The following STOX1 variants were observed in gnomAD, a reference collection of about 807,000 sequenced individuals.
STOX1 encodes the protein storkhead box 1.
A neutral mutation model predicts 74.8 loss-of-function variants in STOX1; 57 were observed. The ratio of observed to expected loss-of-function variants is 0.76; its 90% CI spans 0.62 to 0.95. STOX1 has a LOEUF of 0.95. Among genes scored for constraint, STOX1 ranks in the 40% least tolerant of loss-of-function variants. The pLI is 0.00. For missense variants in STOX1, 1,010 were observed against 1,117.0 expected (o/e 0.90, Z 1.37); for synonymous variants, 375 against 401.3 (o/e 0.93, Z 0.78).
At chr10:68,859,602 A>G (rs1489574828) in intron 1 of STOX1, among the ~76,000 whole-genome samples, 1 of 152,152 alleles carries the variant, frequency 6.6e-6, no homozygotes, top group African/African-American at 2.4e-5. Context: ...TCAAGCCCTT[A>G]GCAAGACAAA....
rs183897120 is a variant in STOX1, at chr10:68,891,672, C to T, written c.2823-917C>T. Among the ~76,000 whole-genome samples the T allele has an allele frequency of 9.2e-3, 1,394 of 151,732 alleles. 107 individuals are homozygous for T. The East Asian group carries it at 0.19, about 21-fold the overall frequency. On this transcript the variant is annotated intron_variant, in intron 3 of 3. Coordinates refer to ENST00000298596, the MANE Select transcript of STOX1 (RefSeq NM_152709.5). ...CAAAAATTAGCCAGGCGTGGTGGCA[C>T]GCGCCTGTAATCCCAGCTACTCAGG...
intron 1 of STOX1, among the ~76,000 whole-genome samples, chr10:68,834,292 G>A (rs1839487490): frequency 6.6e-6 from 1 of 152,150 alleles, no homozygotes; most frequent in East Asian, 1.9e-4. Flanking sequence ...ATCTATCCTG[G>A]GATCTGGTTT....
At chr10:68,835,332 G>A (rs894401736) in intron 1 of STOX1, among the ~76,000 whole-genome samples, 7 of 151,964 alleles carry the variant, frequency 4.6e-5, no homozygotes, top group Non-Finnish European at 5.9e-5. Flanking sequence ...ATGAGCCACC[G>A]CACCCGGCTG....
chr10:68,842,361 C>A (rs1839712726), intron 1 of STOX1, among the ~76,000 whole-genome samples: 1 of 152,120 alleles, frequency 6.6e-6, no homozygotes, highest in African/African-American at 2.4e-5. Context: ...ATTTCTAGAA[C>A]AGCTGGCTTT....
downstream of STOX1, among the ~76,000 whole-genome samples, chr10:68,893,219 G>T (rs1396516433): frequency 6.6e-6 from 1 of 152,170 alleles, no homozygotes; most frequent in Non-Finnish European, 1.5e-5. Flanking sequence ...GCAACCCTAG[G>T]TCTTTATCAT....
rs534284103 is a variant in STOX1 at position 68,881,639 on chromosome 10, AT to A, written c.311-318del. Among the ~76,000 whole-genome samples, 988 of 152,338 alleles carry A rather than the reference AT, an allele frequency of 6.5e-3. 11 individuals carry two copies. The highest frequency in any genetic ancestry group is 0.023 in the African/African-American group (947 of 41,574). Reference sequence around the variant, plus strand: ...TTGAAAGATGGTAAACTGCTGGTATATAGTATATTTAGTATTTAAGTATTGC... The same window carrying A: ...TTGAAAGATGGTAAACTGCTGGTATAAGTATATTTAGTATTTAAGTATTGC... On this transcript the variant is annotated intron_variant, in intron 1 of 3. Coordinates refer to ENST00000298596, the MANE Select transcript of STOX1 (RefSeq NM_152709.5).
chr10:68,828,418 G>A, intron 1 of STOX1: 1 of 520,524 alleles, frequency 1.9e-6, no homozygotes, highest in Non-Finnish European at 2.7e-6. Context: ...CGGCCGGTCC[G>A]GGGGGCCAAG....
At chr10:68,892,307 T>TA (rs138142509) in intron 3 of STOX1, among the ~76,000 whole-genome samples, 10,703 of 152,010 alleles carry the variant, frequency 0.07, 499 homozygotes, top group African/African-American at 0.12. Flanking sequence ...TCGGGGAACT[T>TA]ACTGTTTCTG....
In STOX1 at chr10:68,828,612, G is replaced by C. The variant is rs551840498; in HGVS notation, c.310+679G>C. Among the ~76,000 whole-genome samples, 20 of 152,288 alleles carry C rather than the reference G, an allele frequency of 1.3e-4. No individual in the cohort carries two copies. In the South Asian group the frequency reaches 3.3e-3, roughly 25 times the overall value. On this transcript the variant is annotated intron_variant, in intron 1 of 3. Coordinates refer to ENST00000298596, the MANE Select transcript of STOX1 (RefSeq NM_152709.5). The stretch of plus-strand genomic sequence containing the variant: ...TGGATAGAGAGGCTTTGGGCTAGGG[G>C]CCACTGTCTAGGCTCCACCGGGGCG...
chr10:68,847,643 C>G (rs1839886836), intron 1 of STOX1, among the ~76,000 whole-genome samples: 1 of 151,958 alleles, frequency 6.6e-6, no homozygotes, highest in South Asian at 2.1e-4. Flanking sequence ...TTCCTGACCT[C>G]AAGTGATCCA....
chr10:68,842,191 A>G (rs1564570928), intron 1 of STOX1, among the ~76,000 whole-genome samples: 1 of 152,138 alleles, frequency 6.6e-6, no homozygotes, highest in Non-Finnish European at 1.5e-5. Flanking sequence ...TATTCCCCAG[A>G]CCTTCAACCC....
chr10:68,831,845 G>C (rs192179614), intron 1 of STOX1, among the ~76,000 whole-genome samples: 1 of 152,254 alleles, frequency 6.6e-6, no homozygotes, highest in Admixed American at 6.5e-5. Flanking sequence ...TAAAAAGAGA[G>C]ACATTGGATC....
rs1477608960 is a variant in STOX1, at chr10:68,884,342, A to C, written c.546A>C (p.Glu182Asp). ...AAAGGAAGATTTATCACACTGGAGA[A>C]GGATACTTCATAGTTACTCCTCAGA... ...IKERKIYHTG[E>D]GYFIVTPQTY... Residue 182 changes from glutamate to aspartate, a missense_variant, in exon 3 of 4, where the codon GAA becomes GAC. By Grantham distance (45) the Glu-to-Asp change is conservative (BLOSUM62 2). Transcript: ENST00000298596. 1.4e-5 allele frequency: 23 copies of C among 1,614,078 alleles called. No homozygotes were observed. The Admixed American group carries it at 3.8e-4, about 27-fold the overall frequency.
chr10:68,870,124 CTG>C (rs1358578989), intron 1 of STOX1, among the ~76,000 whole-genome samples: 1 of 152,116 alleles, frequency 6.6e-6, no homozygotes, highest in African/African-American at 2.4e-5. Context: ...CACCTTTGTG[CTG>C]GACTTTTAAA....
chr10:68,855,619 A>T (rs985998272), intron 1 of STOX1, among the ~76,000 whole-genome samples: 3 of 151,550 alleles, frequency 2.0e-5, no homozygotes, highest in East Asian at 1.9e-4. Context: ...AAATTTTTAA[A>T]TTTTTTGTAG....
intron 1 of STOX1, among the ~76,000 whole-genome samples, chr10:68,843,449 G>A (rs1839745579): frequency 6.6e-6 from 1 of 152,176 alleles, no homozygotes; most frequent in African/African-American, 2.4e-5. Flanking sequence ...TTTTCAAAAT[G>A]ATTGTACCAC....
chr10:68,853,341 C>T (rs549619370), intron 1 of STOX1, among the ~76,000 whole-genome samples: 14 of 152,248 alleles, frequency 9.2e-5, no homozygotes, highest in Non-Finnish European at 1.8e-4. Context: ...TGAGATCAAC[C>T]CCACTGTGTG....
chr10:68,828,648 G>A (rs1564566473), intron 1 of STOX1, among the ~76,000 whole-genome samples: 1 of 152,200 alleles, frequency 6.6e-6, no homozygotes, highest in Non-Finnish European at 1.5e-5. Context: ...GTTAGGAAGG[G>A]TACCCCAGGG....
At chr10:68,873,666 C>T (rs2066287) in intron 1 of STOX1, among the ~76,000 whole-genome samples, 86,536 of 119,684 alleles carry the variant, frequency 0.72, 27,984 homozygotes, top group East Asian at 0.91. Context: ...TTTTTTTTTT[C>T]TTTTTTTTGA....
Sources: gnomAD v4.1 joint callset for allele counts (sites outside exome capture counted in the v4.1 genomes callset) on GRCh38, gnomAD v4.1.1 for gene constraint, MANE v1.5 for transcripts, NCBI Gene and HGNC (gene_info 2026-07-23, HGNC 2026-07-21) for gene names.